The following FAM81B variants were observed in gnomAD, a reference collection of about 807,000 sequenced individuals.
FAM81B encodes the protein protein FAM81B.
In FAM81B, 60 loss-of-function variants were observed where a neutral mutation model predicts 58.7. The ratio of observed to expected loss-of-function variants is 1.02; its 90% CI spans 0.83 to 1.27. The LOEUF is 1.27. Ranked by LOEUF, FAM81B falls within the 50% of genes most tolerant of loss-of-function variation. The probability of loss-of-function intolerance (pLI) is 0.00; values close to 1 mark genes in which losing one functional copy is unlikely to be tolerated. For missense variants in FAM81B, 491 were observed against 522.0 expected (o/e 0.94, Z 0.58); for synonymous variants, 189 against 179.6 (o/e 1.05, Z -0.42).
Position 95,391,379 on chromosome 5 carries a change from C to T in FAM81B, c.-11C>T. 6.2e-7 allele frequency: 1 copy of T among 1,611,408 alleles called. No homozygotes were observed. The highest frequency in any genetic ancestry group is 1.1e-5 in the South Asian group (1 of 90,770). On this transcript the variant is annotated 5_prime_UTR_variant, in exon 1 of 10. Coordinates refer to ENST00000283357, the MANE Select transcript of FAM81B (RefSeq NM_152548.3). ...GGAAGAGGCCCCAGAAACAGGAAGACCTTAGTTAGGATGCAATTACAATTC... is the reference window on the plus strand; with the variant it reads ...GGAAGAGGCCCCAGAAACAGGAAGATCTTAGTTAGGATGCAATTACAATTC...
intron 6 of FAM81B, among the ~76,000 whole-genome samples, chr5:95,435,712 A>G (rs1485777213): frequency 2.6e-5 from 4 of 152,132 alleles, no homozygotes; most frequent in South Asian, 2.1e-4. Context: ...TATAAAGATG[A>G]CCATCTTTGT....
At chr5:95,395,748 T>C (rs143357926) in intron 2 of FAM81B, among the ~76,000 whole-genome samples, 14 of 152,312 alleles carry the variant, frequency 9.2e-5, no homozygotes, top group Non-Finnish European at 1.6e-4. Context: ...TGTTTCTCCT[T>C]AGAAATCAGC....
At chr5:95,449,724 G>A (rs1263401989) in intron 9 of FAM81B, among the ~76,000 whole-genome samples, 6 of 152,068 alleles carry the variant, frequency 3.9e-5, no homozygotes, top group Non-Finnish European at 8.8e-5. Context: ...GCAGGGGGCC[G>A]CTGTTAGGTC....
Position 95,391,745 on chromosome 5 carries a change from C to T in FAM81B, c.124+232C>T, listed in dbSNP as rs182703471. ...AAGACATTTATGCAGCCAAAACATA[C>T]GAGAAAAAGCTCATCATCACTTGTC... On this transcript the variant is annotated intron_variant, in intron 1 of 9. Coordinates refer to ENST00000283357, the MANE Select transcript of FAM81B (RefSeq NM_152548.3). Among the ~76,000 whole-genome samples, 823 of 152,064 alleles carry T rather than the reference C, an allele frequency of 5.4e-3. 7 individuals carry two copies. The highest frequency in any genetic ancestry group is 0.028 in the South Asian group (134 of 4,822).
chr5:95,406,491 T>C (rs1762249670), intron 3 of FAM81B, among the ~76,000 whole-genome samples: 1 of 152,140 alleles, frequency 6.6e-6, no homozygotes, highest in Non-Finnish European at 1.5e-5. Flanking sequence ...ACCCACACAC[T>C]GTCCAATCAC....
At chr5:95,441,255 C>T (rs1745332268) in intron 7 of FAM81B, among the ~76,000 whole-genome samples, 1 of 152,238 alleles carries the variant, frequency 6.6e-6, no homozygotes, top group African/African-American at 2.4e-5. Context: ...TCAAACTTTA[C>T]ATGCGCATTT....
intron 9 of FAM81B, 138 bp downstream of exon 9, chr5:95,448,602 T>C: frequency 2.5e-6 from 2 of 809,610 alleles, no homozygotes; most frequent in Non-Finnish European, 3.9e-6. Context: ...CTTTTCTAAA[T>C]ATCCTATAGA....
In FAM81B at chr5:95,391,402, T is replaced by C. The variant is rs746999587; in HGVS notation, c.13T>C (p.Phe5Leu). ...GACCTTAGTTAGGATGCAATTACAA[T>C]TCCTTGGTACATTGGCTTCCTCAGA... MQLQFLGTLASSEKR... is the reference protein window; with the variant it reads MQLQLLGTLASSEKR... The change falls in exon 1 of 10, where the codon TTC becomes CTC. Residue 5 changes from phenylalanine (F) to leucine (L), a missense_variant. By Grantham distance (22) the Phe-to-Leu change is conservative. Coordinates refer to ENST00000283357, the MANE Select transcript of FAM81B (RefSeq NM_152548.3). The C allele has an allele frequency of 6.2e-6, 10 of 1,613,084 alleles. No individual in the cohort carries two copies. In the East Asian group the frequency reaches 1.8e-4, roughly 29 times the overall value.
At chr5:95,413,294 A>T (rs932300877) in intron 3 of FAM81B, among the ~76,000 whole-genome samples, 3 of 152,128 alleles carry the variant, frequency 2.0e-5, no homozygotes, top group Non-Finnish European at 4.4e-5. Flanking sequence ...CACAAGATAC[A>T]CTGCTACACC....
chr5:95,420,703 T>C (rs565551745), intron 5 of FAM81B, among the ~76,000 whole-genome samples: 1 of 142,686 alleles, frequency 7.0e-6, no homozygotes, highest in Non-Finnish European at 1.5e-5. Flanking sequence ...TTCATAACCA[T>C]GTACGAAATC....
At chr5:95,448,882 C>T in intron 9 of FAM81B, 1 of 355,352 alleles carries the variant, frequency 2.8e-6, no homozygotes, top group South Asian at 2.3e-5. Context: ...AGACTGGAGA[C>T]CTGACCTTTA....
intron 8 of FAM81B, among the ~76,000 whole-genome samples, chr5:95,446,976 C>A (rs961871201): frequency 1.4e-4 from 21 of 151,586 alleles, no homozygotes; most frequent in Non-Finnish European, 2.5e-4. Flanking sequence ...AGATTGCCAC[C>A]CCAGACCCAG....
intron 8 of FAM81B, among the ~76,000 whole-genome samples, chr5:95,447,153 TG>T (rs1360142246): frequency 6.6e-6 from 1 of 152,164 alleles, no homozygotes; most frequent in African/African-American, 2.4e-5. Flanking sequence ...CCCCAAGCTT[TG>T]GGGTGAGGCT....
chr5:95,391,887 G>A (rs1051922828), intron 1 of FAM81B, among the ~76,000 whole-genome samples: 13 of 152,140 alleles, frequency 8.5e-5, no homozygotes, highest in East Asian at 1.9e-4. Context: ...AAATAGGAAC[G>A]CTTTTATACT....
chr5:95,441,373 A>G (rs138922474), intron 7 of FAM81B, among the ~76,000 whole-genome samples: 2,218 of 152,206 alleles, frequency 0.015, 47 homozygotes, highest in African/African-American at 0.05. Flanking sequence ...GATGGAGACC[A>G]TCCTGGCCAG....
At chr5:95,410,425 G>A (rs1434959569) in intron 3 of FAM81B, among the ~76,000 whole-genome samples, 2 of 152,064 alleles carry the variant, frequency 1.3e-5, no homozygotes, top group African/African-American at 2.4e-5. Flanking sequence ...GCTGAAACCC[G>A]CAGTCCAGAA....
intron 5 of FAM81B, among the ~76,000 whole-genome samples, chr5:95,426,423 G>A (rs186309389): frequency 6.6e-6 from 1 of 152,186 alleles, no homozygotes; most frequent in East Asian, 1.9e-4. Context: ...GTTAGGGGAG[G>A]TGAAAATGAA....
intron 7 of FAM81B, 67 bp downstream of exon 7, chr5:95,436,973 T>C: frequency 8.1e-7 from 1 of 1,230,646 alleles, no homozygotes; most frequent in Non-Finnish European, 1.2e-6. Flanking sequence ...ATGAAAGCAT[T>C]GGCATGAAAT....
chr5:95,409,873 TG>T (rs1466613303), intron 3 of FAM81B, among the ~76,000 whole-genome samples: 1 of 152,232 alleles, frequency 6.6e-6, no homozygotes, highest in Non-Finnish European at 1.5e-5. Flanking sequence ...TAAATTCCTT[TG>T]GCAGAGATAC....
Sources: gnomAD v4.1 joint callset for allele counts (sites outside exome capture counted in the v4.1 genomes callset) on GRCh38, gnomAD v4.1.1 for gene constraint, MANE v1.5 for transcripts, NCBI Gene and HGNC (gene_info 2026-07-23, HGNC 2026-07-21) for gene names.